The following JMJD1C variants were observed in gnomAD, a reference collection of about 807,000 sequenced individuals.
The protein encoded by JMJD1C is jumonji domain-containing protein 1C.
Under a neutral mutation model 245.3 loss-of-function variants are expected in JMJD1C, and 31 were observed. The ratio of observed to expected loss-of-function variants is 0.13; its 90% CI spans 0.09 to 0.17. The LOEUF is 0.17. JMJD1C is among the 10% of genes least tolerant of loss of function. The probability of loss-of-function intolerance (pLI) is 1.00; values close to 1 mark genes in which losing one functional copy is unlikely to be tolerated. For missense variants in JMJD1C, 2,691 were observed against 3,000.2 expected (o/e 0.90, Z 2.41); for synonymous variants, 1,057 against 1,017.4 (o/e 1.04, Z -0.74).
At chr10:63,496,199 A>G (rs922624660) in intron 1 of JMJD1C, among the ~76,000 whole-genome samples, 1 of 152,144 alleles carries the variant, frequency 6.6e-6, no homozygotes, top group African/African-American at 2.4e-5. Context: ...TACAGGATAA[A>G]TAACTTATTT....
chr10:63,219,331 C>G (rs576283230), intron 4 of JMJD1C, among the ~76,000 whole-genome samples: 25 of 152,140 alleles, frequency 1.6e-4, no homozygotes, highest in Non-Finnish European at 2.8e-4. Context: ...GTCTCACTTT[C>G]CATTCAATTT....
At chr10:63,403,910 T>C (rs1247203391) in intron 1 of JMJD1C, among the ~76,000 whole-genome samples, 1 of 152,158 alleles carries the variant, frequency 6.6e-6, no homozygotes, top group Non-Finnish European at 1.5e-5. Flanking sequence ...CACTCCAGCC[T>C]GGGCGATAGA....
chr10:63,207,357 C>A lies in JMJD1C; in HGVS notation c.4312G>T (p.Val1438Phe), dbSNP rs557253260. 6.2e-7 allele frequency: 1 copy of A among 1,613,920 alleles called. No individual in the cohort carries two copies. Among genetic ancestry groups the A allele is most frequent in the African/African-American group, 1.3e-5 (1 of 75,028 alleles). Reference protein sequence around the residue: ...TSSECVSSKSVSQPVAQKQEC... With the variant: ...TSSECVSSKSFSQPVAQKQEC... ...TGTTTTTGAGCCACTGGCTGACTGACACTTTTTGAAGATACACATTCTGAT... is the reference window on the plus strand; with the variant it reads ...TGTTTTTGAGCCACTGGCTGACTGAAACTTTTTGAAGATACACATTCTGAT... Residue 1438 changes from valine to phenylalanine, a missense_variant, in exon 10 of 26, where the codon GTC (valine) becomes TTC (phenylalanine). By Grantham distance (50) the Val-to-Phe change is conservative. Around this residue, in one of 9 missense-constraint regions of JMJD1C, gnomAD observed 1,562 missense variants for 1,490.7 expected, o/e 1.05. Transcript: ENST00000399262.
chr10:63,359,439 A>C (rs1443812738), intron 2 of JMJD1C, among the ~76,000 whole-genome samples: 5 of 152,226 alleles, frequency 3.3e-5, no homozygotes, highest in Non-Finnish European at 7.3e-5. Flanking sequence ...ATGTGATCTA[A>C]TATTTTTATA....
intron 3 of JMJD1C, among the ~76,000 whole-genome samples, chr10:63,257,934 A>AC (rs1854180557): frequency 1.3e-5 from 2 of 152,306 alleles, no homozygotes; most frequent in East Asian, 3.9e-4. Context: ...GCTGGAGAAA[A>AC]AAATGCTAAG....
chr10:63,349,382 G>C (rs1025818157), intron 2 of JMJD1C, among the ~76,000 whole-genome samples: 1 of 152,178 alleles, frequency 6.6e-6, no homozygotes, highest in Non-Finnish European at 1.5e-5. Flanking sequence ...AGAAGTTATC[G>C]ATACCAGTTT....
Position 63,213,838 on chromosome 10 carries a change from T to A in JMJD1C, c.2329A>T (p.Ile777Phe), listed in dbSNP as rs377284540. The change falls in exon 8 of 26, where the codon ATT becomes TTT. Residue 777 changes from isoleucine to phenylalanine, a missense_variant. Ile to Phe is a conservative substitution (Grantham distance 21). Coordinates refer to ENST00000399262, the MANE Select transcript of JMJD1C (RefSeq NM_032776.3). ...GSSSQTPLPT[I>F]NTHPLTSGPH... is the part of the protein sequence containing the mutation. ...CCACTAGTCAGAGGATGAGTGTTAA[T>A]GGTAGGTAATGGAGTTTGACTAGAT... is the stretch of plus-strand genomic sequence containing the variant. 11 of 1,613,802 alleles carry A rather than the reference T, an allele frequency of 6.8e-6. No homozygotes were observed. The African/African-American group carries it at 1.5e-4, about 22-fold the overall frequency.
intron 20 of JMJD1C, 88 bp downstream of exon 20, chr10:63,185,475 G>C: frequency 1.3e-6 from 1 of 782,068 alleles, no homozygotes; most frequent in Non-Finnish European, 2.2e-6. Context: ...AAAGCCTACA[G>C]GTCACATTTA....
intron 2 of JMJD1C, among the ~76,000 whole-genome samples, chr10:63,310,895 C>T (rs560121822): frequency 1.3e-5 from 2 of 151,650 alleles, no homozygotes; most frequent in Non-Finnish European, 2.9e-5. Flanking sequence ...ACAAATAAAC[C>T]CGACATTAAG....
intron 1 of JMJD1C, among the ~76,000 whole-genome samples, chr10:63,484,236 G>A (rs369701660): frequency 7.8e-3 from 719 of 92,694 alleles, no homozygotes; most frequent in African/African-American, 0.021. Context: ...ATGGATGGAT[G>A]GATAGATAGA....
At position 63,319,981 on chromosome 10, in the gene JMJD1C, G is replaced by A. The variant is rs147037139; in HGVS notation, c.334-55217C>T. On this transcript the variant is annotated intron_variant, in intron 2 of 25. Transcript: ENST00000399262. Reference sequence around the variant, plus strand: ...GGGTTTCACCATGTTGGCCAGGCTGGTTTCAAACTCCTGACCTCAGGTGAT... The same window carrying A: ...GGGTTTCACCATGTTGGCCAGGCTGATTTCAAACTCCTGACCTCAGGTGAT... 4.8e-4 allele frequency among the ~76,000 whole-genome samples: 73 copies of A among 152,208 alleles called. No homozygotes were observed. The East Asian group carries it at 0.014, about 29-fold the overall frequency.
chr10:63,520,508 A>C (rs1035385948), intron 1 of JMJD1C, among the ~76,000 whole-genome samples: 6 of 151,240 alleles, frequency 4.0e-5, no homozygotes, highest in Non-Finnish European at 7.4e-5. Context: ...ACTGTCACAA[A>C]AAAAAAAAAA....
intron 1 of JMJD1C, among the ~76,000 whole-genome samples, chr10:63,431,953 G>A (rs895893082): frequency 1.8e-4 from 28 of 152,168 alleles, no homozygotes; most frequent in Admixed American, 7.9e-4. Context: ...CAGGGGTTGC[G>A]GTGAGCCAAG....
chr10:63,364,473 G>A (rs1018389215), intron 2 of JMJD1C, among the ~76,000 whole-genome samples: 2 of 152,036 alleles, frequency 1.3e-5, no homozygotes, highest in Non-Finnish European at 1.5e-5. Flanking sequence ...ATCTTGGTGC[G>A]ATTTTGGAGG....
At chr10:63,216,935 AG>A (rs1848060880) in intron 5 of JMJD1C, among the ~76,000 whole-genome samples, 1 of 152,220 alleles carries the variant, frequency 6.6e-6, no homozygotes, top group Non-Finnish European at 1.5e-5. Flanking sequence ...AGCTCATCTA[AG>A]GATTTAAAAA....
At chr10:63,474,894 A>G (rs1270698338) in intron 1 of JMJD1C, among the ~76,000 whole-genome samples, 1 of 152,210 alleles carries the variant, frequency 6.6e-6, no homozygotes, top group African/African-American at 2.4e-5. Context: ...TAATACGGAA[A>G]ATGTGACAAA....
chr10:63,516,536 T>C (rs1361236822), intron 1 of JMJD1C, among the ~76,000 whole-genome samples: 1 of 152,220 alleles, frequency 6.6e-6, no homozygotes, highest in Non-Finnish European at 1.5e-5. Context: ...TTTAAATAAA[T>C]AGTAAAAGTA....
At chr10:63,337,765 A>C (rs573005759) in intron 2 of JMJD1C, among the ~76,000 whole-genome samples, 27 of 152,144 alleles carry the variant, frequency 1.8e-4, no homozygotes, top group Non-Finnish European at 3.8e-4. Flanking sequence ...CTGATGAGCC[A>C]GAAGATGTGT....
chr10:63,366,195 T>G (rs1202519718), intron 2 of JMJD1C, among the ~76,000 whole-genome samples: 1 of 152,170 alleles, frequency 6.6e-6, no homozygotes, highest in Non-Finnish European at 1.5e-5. Context: ...AGGTCAGCCA[T>G]GTGGGTGGTA....
Sources: gnomAD v4.1 joint callset for allele counts (sites outside exome capture counted in the v4.1 genomes callset) on GRCh38, gnomAD v4.1.1 for gene constraint, gnomAD v4.1.1 regional missense constraint, MANE v1.5 for transcripts, NCBI Gene and HGNC (gene_info 2026-07-23, HGNC 2026-07-21) for gene names.